Variants in CTDP1 observed in about 807,000 individuals in gnomAD.
CTDP1 encodes RNA polymerase II subunit A C-terminal domain phosphatase.
CTDP1 carries 47 observed loss-of-function variants against 91.8 expected under a neutral mutation model. That is an observed-to-expected ratio of 0.51 (90% CI 0.41 to 0.65). The LOEUF (loss-of-function observed/expected upper bound fraction) is 0.65, where lower values mean the gene tolerates loss of function less well. CTDP1 is among the 30% of genes least tolerant of loss of function. The pLI, the probability that CTDP1 is intolerant of heterozygous loss-of-function variation, is 0.00. For missense variants in CTDP1, 1,272 were observed against 1,373.7 expected (o/e 0.93, Z 1.17); for synonymous variants, 656 against 598.5 (o/e 1.10, Z -1.40).
At chr18:79,692,919 G>C (rs959849143) in intron 1 of CTDP1, among the ~76,000 whole-genome samples, 1 of 152,258 alleles carries the variant, frequency 6.6e-6, no homozygotes, top group Non-Finnish European at 1.5e-5. Flanking sequence ...TGGGGTTGCT[G>C]CCAGGACTGG....
chr18:79,681,137 T>A (rs2085357061), intron 1 of CTDP1, among the ~76,000 whole-genome samples: 1 of 152,246 alleles, frequency 6.6e-6, no homozygotes, highest in South Asian at 2.1e-4. Flanking sequence ...TGGCTTGCCC[T>A]GACCCTGTGT....
intron 11 of CTDP1, among the ~76,000 whole-genome samples, chr18:79,731,531 G>A (rs767829032): frequency 2.6e-4 from 39 of 152,100 alleles, no homozygotes; most frequent in Admixed American, 9.2e-4. Context: ...ATTTCTTCTC[G>A]GGTTTAAACC....
chr18:79,725,694 G>A (rs770334143), intron 10 of CTDP1, among the ~76,000 whole-genome samples: 13 of 151,964 alleles, frequency 8.6e-5, no homozygotes, highest in Admixed American at 2.6e-4. Flanking sequence ...AGGTTCCCTC[G>A]GGGTCCCTTC....
chr18:79,746,357 G>A (rs533953784), intron 12 of CTDP1, among the ~76,000 whole-genome samples: 2 of 148,826 alleles, frequency 1.3e-5, no homozygotes, highest in African/African-American at 2.5e-5. Context: ...CTGACCCTGC[G>A]TCCCTCCCAT....
At position 79,718,027 on chromosome 18, in the gene CTDP1, G is replaced by C; in HGVS notation, c.2417+11G>C. On this transcript the variant is annotated intron_variant, in intron 10 of 12. Transcript: ENST00000613122. ...GCCCTCTTCCTTCAGGTACGTGGCG[G>C]CCCAGCCACTGTCCCCAGCTAATGA... 1 of 1,612,430 alleles carries C rather than the reference G, an allele frequency of 6.2e-7. No individual in the cohort carries two copies.
chr18:79,702,697 TA>T (rs1320251428), intron 4 of CTDP1: 1 of 152,246 alleles, frequency 6.6e-6, no homozygotes, highest in Non-Finnish European at 1.5e-5. Context: ...AAAGTATTTT[TA>T]AATTAAGTTA....
At chr18:79,690,783 C>G (rs114605690) in intron 1 of CTDP1, among the ~76,000 whole-genome samples, 3 of 152,206 alleles carry the variant, frequency 2.0e-5, no homozygotes, top group Non-Finnish European at 4.4e-5. Flanking sequence ...CCAGGAGTGT[C>G]TCCAGCCACT....
At chr18:79,700,264 G>A (rs2085831782) in intron 4 of CTDP1, among the ~76,000 whole-genome samples, 1 of 152,222 alleles carries the variant, frequency 6.6e-6, no homozygotes, top group South Asian at 2.1e-4. Context: ...ATTATGCTTA[G>A]TGAGGAATGC....
chr18:79,705,009 A>C (rs1215376556), intron 5 of CTDP1, 92 bp downstream of exon 5: 1 of 1,535,776 alleles, frequency 6.5e-7, no homozygotes, highest in South Asian at 1.2e-5. Context: ...AAAGAAAAGA[A>C]GCTCTCCTGC....
intron 3 of CTDP1, 152 bp downstream of exon 3, chr18:79,696,222 C>T (rs968958033): frequency 9.4e-6 from 7 of 747,360 alleles, no homozygotes; most frequent in South Asian, 3.0e-5. Flanking sequence ...TATGGGACTG[C>T]GGCCTTCCTG....
At chr18:79,738,421 C>T (rs894718119) in intron 12 of CTDP1, among the ~76,000 whole-genome samples, 4 of 152,230 alleles carry the variant, frequency 2.6e-5, no homozygotes, top group African/African-American at 7.2e-5. Context: ...GTATTTGGAC[C>T]TCTGCATCCT....
chr18:79,714,433 C>T (rs965065994), intron 7 of CTDP1, 58 bp from the exon 8 acceptor site: 6 of 1,579,046 alleles, frequency 3.8e-6, no homozygotes, highest in South Asian at 3.3e-5. Context: ...TAACTTGGAA[C>T]GTTATTTAAT....
intron 8 of CTDP1, among the ~76,000 whole-genome samples, chr18:79,716,513 C>T (rs1022553224): frequency 6.6e-6 from 1 of 152,230 alleles, no homozygotes; most frequent in Non-Finnish European, 1.5e-5. Context: ...AGGAGAAAGC[C>T]AAGCCCTGGC....
chr18:79,716,686 C>T (rs1464455808), intron 8 of CTDP1, among the ~76,000 whole-genome samples: 1 of 152,216 alleles, frequency 6.6e-6, no homozygotes, highest in Non-Finnish European at 1.5e-5. Context: ...CCTCCTTGGC[C>T]CCTCAGGTGC....
At chr18:79,729,653 C>A (rs2086525180) in intron 11 of CTDP1, among the ~76,000 whole-genome samples, 1 of 152,234 alleles carries the variant, frequency 6.6e-6, no homozygotes, top group Non-Finnish European at 1.5e-5. Context: ...TCCTGGGCCC[C>A]TTGGCCCGTG....
intron 10 of CTDP1, among the ~76,000 whole-genome samples, chr18:79,728,107 A>ATTTTTTTTTTTTTTTT (rs557046639): frequency 6.7e-6 from 1 of 149,880 alleles, no homozygotes; most frequent in African/African-American, 2.4e-5. Flanking sequence ...TTTTTCGTGA[A>ATTTTTTTTTTTTTTTT]TTTTTTTTTT....
chr18:79,702,058 G>A (rs190904390), intron 4 of CTDP1, among the ~76,000 whole-genome samples: 1 of 152,266 alleles, frequency 6.6e-6, no homozygotes, highest in African/African-American at 2.4e-5. Flanking sequence ...AACTTAGTTG[G>A]TAAACCAGCG....
At chr18:79,732,353 G>A (rs77591915) in intron 11 of CTDP1, among the ~76,000 whole-genome samples, 10 of 143,958 alleles carry the variant, frequency 6.9e-5, no homozygotes, top group African/African-American at 1.0e-4. Context: ...CCAAAATCAC[G>A]TGAGACATGA....
intron 1 of CTDP1, among the ~76,000 whole-genome samples, chr18:79,694,994 T>C (rs2122485577): frequency 6.6e-6 from 1 of 151,928 alleles, no homozygotes; most frequent in East Asian, 1.9e-4. Context: ...GGCACGGGGG[T>C]GGTGAGGTGT....
Sources: gnomAD v4.1 joint callset for allele counts (sites outside exome capture counted in the v4.1 genomes callset) on GRCh38, gnomAD v4.1.1 for gene constraint, MANE v1.5 for transcripts, NCBI Gene and HGNC (gene_info 2026-07-23, HGNC 2026-07-21) for gene names.